Variants in SMIM36 observed in about 807,000 individuals in gnomAD.
SMIM36 encodes small integral membrane protein 36.
chr17:55,510,224 T>G (rs1321158126), intron 1 of SMIM36, among the ~76,000 whole-genome samples: 2 of 61,434 alleles, frequency 3.3e-5, no homozygotes, highest in East Asian at 6.9e-4. Context: ...TTGTATGCAT[T>G]CCTTATTCTG....
At chr17:55,489,849 G>A (rs9891477) in intron 1 of SMIM36, among the ~76,000 whole-genome samples, 119,292 of 151,564 alleles carry the variant, frequency 0.79, 47,405 homozygotes, top group Non-Finnish European at 0.82. Flanking sequence ...ATTATTGCTC[G>A]GTTTTTTTTT....
chr17:55,456,193 T>C (rs2143229702), intron 4 of SMIM36, among the ~76,000 whole-genome samples: 1 of 151,906 alleles, frequency 6.6e-6, no homozygotes, highest in East Asian at 1.9e-4. Flanking sequence ...TCAGGTCTTT[T>C]CTTGTTCCTC....
chr17:55,491,966 TG>T (rs1253641364), intron 1 of SMIM36, among the ~76,000 whole-genome samples: 2 of 151,960 alleles, frequency 1.3e-5, no homozygotes, highest in Non-Finnish European at 2.9e-5. Context: ...GAGACCATCC[TG>T]GTTAACACAG....
the SMIM36 span, among the ~76,000 whole-genome samples, chr17:55,528,579 T>C: frequency 6.9e-6 from 1 of 145,910 alleles, no homozygotes; most frequent in South Asian, 2.2e-4. Flanking sequence ...TGAGTTGGAG[T>C]CTCACTTTTG....
chr17:55,465,865 C>T (rs1909227439), intron 4 of SMIM36, among the ~76,000 whole-genome samples: 1 of 152,124 alleles, frequency 6.6e-6, no homozygotes, highest in Non-Finnish European at 1.5e-5. Context: ...TTGATGAAGC[C>T]AGTCTCTGCA....
At chr17:55,520,373 A>C in the SMIM36 span, among the ~76,000 whole-genome samples, 3 of 152,184 alleles carry the variant, frequency 2.0e-5, no homozygotes. Flanking sequence ...CTCTAGCATA[A>C]ATTTGTTTTC....
chr17:55,492,317 A>T (rs1909724803), intron 1 of SMIM36, among the ~76,000 whole-genome samples: 1 of 134,938 alleles, frequency 7.4e-6, no homozygotes, highest in African/African-American at 2.8e-5. Flanking sequence ...ACCTTGGCTC[A>T]CTGCAACCTC....
intron 3 of SMIM36, among the ~76,000 whole-genome samples, chr17:55,475,948 CT>C (rs1197493649): frequency 6.6e-6 from 1 of 152,206 alleles, no homozygotes; most frequent in Admixed American, 6.5e-5. Context: ...CATGCTGCCC[CT>C]AATCCCGCTC....
chr17:55,501,662 AT>A (rs1281780747), intron 1 of SMIM36, among the ~76,000 whole-genome samples: 1 of 144,770 alleles, frequency 6.9e-6, no homozygotes, highest in East Asian at 2.0e-4. Flanking sequence ...TATTGAATAT[AT>A]AATATATATA....
At chr17:55,510,767 T>C (rs762015478) in intron 1 of SMIM36, 112 bp downstream of exon 1, 1 of 221,440 alleles carries the variant, frequency 4.5e-6, no homozygotes, top group Non-Finnish European at 8.8e-6. Flanking sequence ...CTCCTGTGAG[T>C]TGCAAGGACA....
intron 3 of SMIM36, among the ~76,000 whole-genome samples, chr17:55,471,148 T>A (rs1255832128): frequency 6.6e-6 from 1 of 152,120 alleles, no homozygotes; most frequent in Non-Finnish European, 1.5e-5. Flanking sequence ...TCGCCTTTAC[T>A]TGGACTGACC....
chr17:55,455,365 C>G (rs563653070), intron 4 of SMIM36, among the ~76,000 whole-genome samples: 2 of 150,902 alleles, frequency 1.3e-5, no homozygotes, highest in Non-Finnish European at 3.0e-5. Context: ...ACCACCCCCA[C>G]GCTGCCCCCC....
At chr17:55,463,434 G>A (rs1407687543) in intron 4 of SMIM36, among the ~76,000 whole-genome samples, 1 of 152,136 alleles carries the variant, frequency 6.6e-6, no homozygotes, top group East Asian at 1.9e-4. Flanking sequence ...GCACAAGCCT[G>A]TAACTCAGTT....
intron 1 of SMIM36, among the ~76,000 whole-genome samples, chr17:55,491,214 CT>C (rs1909698438): frequency 8.0e-6 from 1 of 125,204 alleles, no homozygotes; most frequent in African/African-American, 3.2e-5. Flanking sequence ...TGCACTTTCG[CT>C]TAGGTGACAG....
At chr17:55,485,748 T>G (rs965582639) in intron 1 of SMIM36, among the ~76,000 whole-genome samples, 3 of 152,208 alleles carry the variant, frequency 2.0e-5, no homozygotes, top group African/African-American at 7.2e-5. Context: ...TTAATTTAAT[T>G]CCATAAGCCC....
At chr17:55,481,653 GC>G (rs1346688031) in intron 1 of SMIM36, among the ~76,000 whole-genome samples, 2 of 152,116 alleles carry the variant, frequency 1.3e-5, no homozygotes, top group Non-Finnish European at 2.9e-5. Context: ...ACAAGATTTG[GC>G]TTCTGGGAAT....
At chr17:55,510,709 GCA>G (rs10639655) in intron 1 of SMIM36, among the ~76,000 whole-genome samples, 168 bp downstream of exon 1, 57 of 150,730 alleles carry the variant, frequency 3.8e-4, no homozygotes, top group Middle Eastern at 3.4e-3. Flanking sequence ...ACGTGCACGT[GCA>G]CACACACACA....
the SMIM36 span, among the ~76,000 whole-genome samples, chr17:55,531,895 C>T: frequency 1.3e-5 from 2 of 152,178 alleles, no homozygotes; most frequent in Non-Finnish European, 2.9e-5. Flanking sequence ...AGATAACACT[C>T]ACAGGGATAT....
chr17:55,464,328 T>G (rs1909198544), intron 4 of SMIM36, among the ~76,000 whole-genome samples: 1 of 152,148 alleles, frequency 6.6e-6, no homozygotes, highest in Non-Finnish European at 1.5e-5. Flanking sequence ...GACCTAGGCC[T>G]TTCCTGAATT....
Sources: gnomAD v4.1 joint callset for allele counts (sites outside exome capture counted in the v4.1 genomes callset) on GRCh38, gnomAD v4.1.1 for gene constraint, MANE v1.5 for transcripts, NCBI Gene and HGNC (gene_info 2026-07-23, HGNC 2026-07-21) for gene names.